The following STAT4 variants were observed in gnomAD, a reference collection of about 807,000 sequenced individuals.
The protein encoded by STAT4 is signal transducer and activator of transcription 4.
STAT4 carries 42 observed loss-of-function variants against 110.5 expected under a neutral mutation model. The observed-to-expected ratio is 0.38, with a 90% CI of 0.30 to 0.49. STAT4 has a LOEUF of 0.49. Among genes scored for constraint, STAT4 ranks in the 20% least tolerant of loss-of-function variants. The pLI is 0.95. For synonymous variants in STAT4, 284 were observed against 302.2 expected (o/e 0.94, Z 0.63); for missense variants, 632 against 887.9 (o/e 0.71, Z 3.66).
At chr2:191,102,676 A>T (rs976997241) in intron 3 of STAT4, among the ~76,000 whole-genome samples, 1 of 152,182 alleles carries the variant, frequency 6.6e-6, no homozygotes, top group African/African-American at 2.4e-5. Context: ...TGTTGTCTGG[A>T]GTAAAAGTTA....
rs891165491 is a variant in STAT4 at position 191,113,907 on chromosome 2, C to T, written c.273+32706G>A. 2.4e-4 allele frequency among the ~76,000 whole-genome samples: 36 copies of T among 152,174 alleles called. No individual in the cohort carries two copies. Among genetic ancestry groups the T allele is most frequent in the East Asian group, 5.8e-4 (3 of 5,186 alleles). On this transcript the variant is annotated intron_variant, in intron 3 of 23. Coordinates refer to ENST00000392320, the MANE Select transcript of STAT4 (RefSeq NM_003151.4). The surrounding 1 kb of genome is among the most constrained non-coding windows in gnomAD (Gnocchi z 4.8). ...TTTCATATGTATCATTTTTGATATG[C>T]CTCTCCCTTCTGCTCAACCACCACA...
chr2:191,052,117 A>G (rs1559045072), intron 14 of STAT4, among the ~76,000 whole-genome samples: 2 of 152,172 alleles, frequency 1.3e-5, no homozygotes, highest in Non-Finnish European at 2.9e-5. Context: ...TGTGACCACA[A>G]TCCCTGGCCT....
In STAT4 at chr2:191,107,958, C is replaced by G. The variant is rs1468753551; in HGVS notation, c.274-31633G>C. Reference sequence around the variant, plus strand: ...TTTTCATGATCTCTGAAAACTATTACTATAATCCTTGAAGCACACCAAGAA... The same window carrying G: ...TTTTCATGATCTCTGAAAACTATTAGTATAATCCTTGAAGCACACCAAGAA... On this transcript the variant is annotated intron_variant, in intron 3 of 23. Coordinates refer to ENST00000392320, the MANE Select transcript of STAT4 (RefSeq NM_003151.4). The surrounding 1 kb of genome is among the most constrained non-coding windows in gnomAD (Gnocchi z 4.2). Among the ~76,000 whole-genome samples, 1 of 152,082 alleles carries G rather than the reference C, an allele frequency of 6.6e-6. No individual in the cohort carries two copies. The highest frequency in any genetic ancestry group is 2.4e-5 in the African/African-American group (1 of 41,396).
Position 191,150,915 on chromosome 2 carries a change from A to G in STAT4, c.-2+32T>C. The G allele has an allele frequency of 1.0e-6, 1 of 985,452 alleles. No individual in the cohort carries two copies. Among genetic ancestry groups the G allele is most frequent in the African/African-American group, 1.7e-5 (1 of 57,366 alleles). The allele number at this position is 985,452 out of a possible 1,614,324, so 61.0% of individuals were successfully genotyped here. ...ATAATAAGCATGTCCTCCTTACAAGAGGCAGCCAGAAGGTGTGGTCTGGCC... is the reference window on the plus strand; with the variant it reads ...ATAATAAGCATGTCCTCCTTACAAGGGGCAGCCAGAAGGTGTGGTCTGGCC... On this transcript the variant is annotated intron_variant, in intron 1 of 23. Transcript: ENST00000392320. This position sits in a 1 kb window ranked among gnomAD's most constrained non-coding sequence, Gnocchi z 6.4.
intron 3 of STAT4, among the ~76,000 whole-genome samples, chr2:191,119,201 C>T (rs1045025602): frequency 3.3e-5 from 5 of 152,148 alleles, no homozygotes; most frequent in Admixed American, 6.5e-5. Flanking sequence ...AATTAATAAA[C>T]GTCCAATTAG....
Position 191,146,537 on chromosome 2 carries a change from G to A in STAT4, c.273+76C>T. 8.1e-7 allele frequency: 1 copy of A among 1,235,876 alleles called. No homozygotes were observed. The allele number at this position is 1,235,876 out of a possible 1,614,324, so 76.6% of individuals were successfully genotyped here. On this transcript the variant is annotated intron_variant, in intron 3 of 23. Coordinates refer to ENST00000392320, the MANE Select transcript of STAT4 (RefSeq NM_003151.4). This position sits in a 1 kb window ranked among gnomAD's most constrained non-coding sequence, Gnocchi z 4.5. ...TAAATTTCATTTGAAAATAATATAA[G>A]GGTACATATTTAATTTTTAACTAAA... is the stretch of plus-strand genomic sequence containing the variant.
intron 5 of STAT4, among the ~76,000 whole-genome samples, chr2:191,071,941 C>G (rs2125255482): frequency 6.6e-6 from 1 of 152,188 alleles, no homozygotes; most frequent in South Asian, 2.1e-4. Flanking sequence ...TAACATGCAC[C>G]AAAGGTTAAC....
At position 191,033,626 on chromosome 2, in the gene STAT4, C is replaced by G; in HGVS notation, c.1716G>C (p.Gly572=). The change falls in exon 20 of 24, where the codon GGG becomes GGC. Residue 572 remains glycine (G), a splice_region_variant and synonymous_variant. Coordinates refer to ENST00000392320, the MANE Select transcript of STAT4 (RefSeq NM_003151.4). The surrounding 1 kb of genome is among the most constrained non-coding windows in gnomAD (Gnocchi z 6.9). ...KKHILPLWID[G]YVMGFVSKEK... ...CTTTGCTAACAAAGCCCATGACATA[C>G]CTAAAAATAGAACATGCATTATTTC... 3 of 1,610,518 alleles carry G rather than the reference C, an allele frequency of 1.9e-6. No individual in the cohort carries two copies. Among genetic ancestry groups the G allele is most frequent in the Non-Finnish European group, 2.5e-6 (3 of 1,179,028 alleles).
In STAT4 at chr2:191,031,646, C is replaced by A; in HGVS notation, c.2045-130G>T. On this transcript the variant is annotated intron_variant, in intron 21 of 23. Transcript: ENST00000392320. This position sits in a 1 kb window ranked among gnomAD's most constrained non-coding sequence, Gnocchi z 4.8. ...GAGATAACGCAGTTGTTCGGTGATA[C>A]ACAGAAATGTTTTGTTAAATAGGGG... The A allele has an allele frequency of 1.4e-6, 1 of 699,020 alleles. No homozygotes were observed. Among genetic ancestry groups the A allele is most frequent in the Non-Finnish European group, 2.4e-6 (1 of 415,332 alleles). The allele number at this position is 699,020 out of a possible 1,614,324, so 43.3% of individuals were successfully genotyped here. A position where few individuals can be genotyped will look rare whatever the true frequency, so the allele number is the denominator to read the frequency against.
intron 14 of STAT4, 141 bp downstream of exon 14, chr2:191,054,349 G>A (rs1184555795): frequency 1.5e-6 from 1 of 663,098 alleles, no homozygotes; most frequent in Non-Finnish European, 2.5e-6. Flanking sequence ...CATATTGTCT[G>A]CAATTATCAA....
In STAT4 at chr2:191,042,008, C is replaced by T. The variant is rs757616901; in HGVS notation, c.1252-860G>A. Among the ~76,000 whole-genome samples, 1 of 152,176 alleles carries T rather than the reference C, an allele frequency of 6.6e-6. No homozygotes were observed. Among genetic ancestry groups the T allele is most frequent in the East Asian group, 1.9e-4 (1 of 5,200 alleles). On this transcript the variant is annotated intron_variant, in intron 14 of 23. Coordinates refer to ENST00000392320, the MANE Select transcript of STAT4 (RefSeq NM_003151.4). This position sits in a 1 kb window ranked among gnomAD's most constrained non-coding sequence, Gnocchi z 4.2. Reference sequence around the variant, plus strand: ...AGTTTACGGTTAAGCCCATGCTTGCCCCTTCTCCGACATCTAGAGCCAGGC... The same window carrying T: ...AGTTTACGGTTAAGCCCATGCTTGCTCCTTCTCCGACATCTAGAGCCAGGC...
chr2:191,147,958 T>C lies in STAT4; in HGVS notation c.128+118A>G. The C allele has an allele frequency of 7.2e-7, 1 of 1,388,112 alleles. No individual in the cohort carries two copies. Among genetic ancestry groups the C allele is most frequent in the Middle Eastern group, 1.8e-4 (1 of 5,520 alleles). The allele number at this position is 1,388,112 out of a possible 1,614,324, so 86.0% of individuals were successfully genotyped here. On this transcript the variant is annotated intron_variant, in intron 2 of 23. Transcript: ENST00000392320. This position sits in a 1 kb window ranked among gnomAD's most constrained non-coding sequence, Gnocchi z 4.1. ...GAAGGCTTTCAAATCCTTGAGAAAG[T>C]TCTTTACCTGAAAAGAATGCATCTA...
chr2:191,110,800 T>C lies in STAT4; in HGVS notation c.274-34475A>G, dbSNP rs1191225257. On this transcript the variant is annotated intron_variant, in intron 3 of 23. Coordinates refer to ENST00000392320, the MANE Select transcript of STAT4 (RefSeq NM_003151.4). This position sits in a 1 kb window ranked among gnomAD's most constrained non-coding sequence, Gnocchi z 4.5. ...ATTTTTGTTTGTTTGTTTGTTTGTT[T>C]TGAGATCAAGCCTCCCTTTGTCATC... Among the ~76,000 whole-genome samples, 3 of 152,306 alleles carry C rather than the reference T, an allele frequency of 2.0e-5. No individual in the cohort carries two copies. Among genetic ancestry groups the C allele is most frequent in the East Asian group, 3.9e-4 (2 of 5,188 alleles).
chr2:191,101,801 G>A (rs1191197469), intron 3 of STAT4, among the ~76,000 whole-genome samples: 2 of 151,792 alleles, frequency 1.3e-5, no homozygotes, highest in African/African-American at 4.8e-5. Flanking sequence ...TACAATATTT[G>A]TTCTGGTTAT....
chr2:191,065,679 G>A (rs138558755), intron 7 of STAT4, among the ~76,000 whole-genome samples: 1 of 152,164 alleles, frequency 6.6e-6, no homozygotes, highest in African/African-American at 2.4e-5. Context: ...TTAACTACTT[G>A]CATACTTAAA....
In STAT4 at chr2:191,077,410, T is replaced by A. The variant is rs1254331933; in HGVS notation, c.274-1085A>T. ...TTTAGTCAATAGTATTAAATTTCTT[T>A]GTTACTGGACTTTTTCCAGGGCAGG... is the stretch of plus-strand genomic sequence containing the variant. On this transcript the variant is annotated intron_variant, in intron 3 of 23. Coordinates refer to ENST00000392320, the MANE Select transcript of STAT4 (RefSeq NM_003151.4). This position sits in a 1 kb window ranked among gnomAD's most constrained non-coding sequence, Gnocchi z 4.1. 6.6e-6 allele frequency among the ~76,000 whole-genome samples: 1 copy of A among 152,186 alleles called. No homozygotes were observed. The highest frequency in any genetic ancestry group is 1.9e-4 in the East Asian group (1 of 5,200).
chr2:191,034,486 C>A, intron 18 of STAT4, 62 bp downstream of exon 18: 1 of 1,229,748 alleles, frequency 8.1e-7, no homozygotes, highest in Non-Finnish European at 1.2e-6. Flanking sequence ...TAGTAATAGA[C>A]TTAGAAAGGA....
rs1698104046 is a variant in STAT4, at chr2:191,099,706, G to A, written c.274-23381C>T. ...ATTTTTATTTAATTAGGTAAACATAGATACACATATGGAAAGGTTCACACT... is the reference window on the plus strand; with the variant it reads ...ATTTTTATTTAATTAGGTAAACATAAATACACATATGGAAAGGTTCACACT... On this transcript the variant is annotated intron_variant, in intron 3 of 23. Coordinates refer to ENST00000392320, the MANE Select transcript of STAT4 (RefSeq NM_003151.4). The surrounding 1 kb of genome is among the most constrained non-coding windows in gnomAD (Gnocchi z 4.1). Among the ~76,000 whole-genome samples, 1 of 151,856 alleles carries A rather than the reference G, an allele frequency of 6.6e-6. No individual in the cohort carries two copies. Among genetic ancestry groups the A allele is most frequent in the Non-Finnish European group, 1.5e-5 (1 of 67,956 alleles).
At chr2:191,056,004 C>T (rs1396287135) in intron 13 of STAT4, among the ~76,000 whole-genome samples, 2 of 152,162 alleles carry the variant, frequency 1.3e-5, no homozygotes, top group African/African-American at 4.8e-5. Context: ...TTCTTTATTA[C>T]ATTTTATTTA....
Sources: allele counts gnomAD v4.1 joint callset (sites outside exome capture counted in the v4.1 genomes callset), GRCh38; gene constraint gnomAD v4.1.1; non-coding constraint Gnocchi (gnomAD v3.1); transcripts MANE v1.5; gene names NCBI Gene and HGNC (gene_info 2026-07-23, HGNC 2026-07-21).